The following CMAS variants were observed in gnomAD, a reference collection of about 807,000 sequenced individuals.
CMAS encodes N-acylneuraminate cytidylyltransferase.
A neutral mutation model predicts 53.4 loss-of-function variants in CMAS; 21 were observed. The ratio of observed to expected loss-of-function variants is 0.39; its 90% confidence interval spans 0.28 to 0.57. The LOEUF (loss-of-function observed/expected upper bound fraction) is 0.57, where lower values mean the gene tolerates loss of function less well. Ranked by LOEUF, CMAS falls within the 20% of genes least tolerant of loss-of-function variation. The pLI, the probability that CMAS is intolerant of heterozygous loss-of-function variation, is 0.56. For synonymous variants in CMAS, 189 were observed against 195.2 expected, an observed-to-expected ratio of 0.97 and a Z score of 0.27; for missense variants, 384 against 534.9, an observed-to-expected ratio of 0.72 and a Z score of 2.78.
In CMAS at chr12:22,061,473, G is replaced by A. The variant is rs184882631; in HGVS notation, c.960+21G>A. On this transcript the variant is annotated intron_variant, in intron 6 of 7. Transcript: ENST00000229329. ...TTGAGGTATGTGCTCCCTGAATATAGCAGTATTTTATAATATTTTGATTCA... is the reference window on the plus strand; with the variant it reads ...TTGAGGTATGTGCTCCCTGAATATAACAGTATTTTATAATATTTTGATTCA... 9.1e-5 allele frequency: 133 copies of A among 1,459,598 alleles called. No homozygotes were observed. The African/African-American group carries it at 1.7e-3, about 19-fold the overall frequency. 90.4% of individuals were successfully genotyped at this position (1,459,598 alleles called of 1,614,324 possible). A position where few individuals can be genotyped will look rare whatever the true frequency, so the allele number is the denominator to read the frequency against.
intron 4 of CMAS, among the ~76,000 whole-genome samples, chr12:22,059,093 G>C (rs925893611): frequency 2.7e-5 from 4 of 148,728 alleles, no homozygotes; most frequent in Non-Finnish European, 5.9e-5. Flanking sequence ...GGTGAAAAGA[G>C]TTACAACCTG....
chr12:22,065,344 A>C lies in CMAS; in HGVS notation c.*33A>C. 9 of 1,508,152 alleles carry C rather than the reference A, an allele frequency of 6.0e-6. No homozygotes were observed. The highest frequency in any genetic ancestry group is 8.2e-6 in the Non-Finnish European group (9 of 1,093,710). The allele number at this position is 1,508,152 out of a possible 1,614,324, so 93.4% of individuals were successfully genotyped here. A position where few individuals can be genotyped will look rare whatever the true frequency, so the allele number is the denominator to read the frequency against. ...CGTAATATTGAGAAAAAAATGATAC[A>C]GCCTTCTTCAGCCAGTTTGCTTTTA... On this transcript the variant is annotated 3_prime_UTR_variant, in exon 8 of 8. Coordinates refer to ENST00000229329, the MANE Select transcript of CMAS (RefSeq NM_018686.6).
At chr12:22,056,762 A>C (rs1272770936) in intron 3 of CMAS, among the ~76,000 whole-genome samples, 1 of 152,184 alleles carries the variant, frequency 6.6e-6, no homozygotes, top group Non-Finnish European at 1.5e-5. Flanking sequence ...ACTCAAGTCC[A>C]CAAGGTCATT....
intron 1 of CMAS, among the ~76,000 whole-genome samples, chr12:22,054,218 G>A (rs548327236): frequency 6.6e-6 from 1 of 152,142 alleles, no homozygotes; most frequent in South Asian, 2.1e-4. Context: ...TGAGACTCCA[G>A]GCCTGACCAA....
chr12:22,064,653 TA>T (rs1377056519), intron 7 of CMAS, among the ~76,000 whole-genome samples: 12 of 152,216 alleles, frequency 7.9e-5, no homozygotes, highest in African/African-American at 2.4e-4. Context: ...AGTTTTTGGA[TA>T]AAATATTATG....
chr12:22,055,023 CATT>C (rs749413099), intron 1 of CMAS, 123 bp from the exon 2 acceptor site: 48 of 579,032 alleles, frequency 8.3e-5, no homozygotes, highest in Non-Finnish European at 1.0e-4. Flanking sequence ...GGATCTGTAA[CATT>C]ATTATCATTG....
Position 22,058,340 on chromosome 12 carries a change from G to A in CMAS, c.560-227G>A, listed in dbSNP as rs150434673. Among the ~76,000 whole-genome samples, 1,266 of 150,870 alleles carry A rather than the reference G, an allele frequency of 8.4e-3. 27 individuals carry two copies. The East Asian group carries it at 0.085, about 10-fold the overall frequency. On this transcript the variant is annotated intron_variant, in intron 3 of 7. Transcript: ENST00000229329. ...CTTGGGAGGCTGAGGCAGGAGAATCGCTTGAACCCAGGAGGCGGAGGTTGC... is the reference window on the plus strand; with the variant it reads ...CTTGGGAGGCTGAGGCAGGAGAATCACTTGAACCCAGGAGGCGGAGGTTGC...
In CMAS at chr12:22,052,921, A is replaced by G. The variant is rs567045303; in HGVS notation, c.261-2228A>G. 2.6e-5 allele frequency among the ~76,000 whole-genome samples: 4 copies of G among 152,322 alleles called. No individual in the cohort carries two copies. In the South Asian group the frequency reaches 6.2e-4, roughly 24 times the overall value. On this transcript the variant is annotated intron_variant, in intron 1 of 7. Coordinates refer to ENST00000229329, the MANE Select transcript of CMAS (RefSeq NM_018686.6). ...ATATTAAAGGGAATAAACGAAATAA[A>G]TAAATGAAATCCAGGGATGTTAGAA... is the stretch of plus-strand genomic sequence containing the variant.
At chr12:22,063,604 TTA>T (rs1476674560) in intron 7 of CMAS, among the ~76,000 whole-genome samples, 1 of 151,660 alleles carries the variant, frequency 6.6e-6, no homozygotes, top group Non-Finnish European at 1.5e-5. Flanking sequence ...AACTCTAGAA[TTA>T]TATGTGTCAA....
At chr12:22,053,744 T>G (rs887588638) in intron 1 of CMAS, among the ~76,000 whole-genome samples, 37 of 148,014 alleles carry the variant, frequency 2.5e-4, no homozygotes, top group Admixed American at 2.4e-3. Context: ...CCGGGCGTGT[T>G]GGCGGGCGCC....
Position 22,065,255 on chromosome 12 carries a change from T to C in CMAS, c.1249T>C (p.Phe417Leu). The C allele has an allele frequency of 6.2e-7, 1 of 1,614,090 alleles. No individual in the cohort carries two copies. Among genetic ancestry groups the C allele is most frequent in the East Asian group, 2.2e-5 (1 of 44,884 alleles). The change falls in exon 8 of 8, where the codon TTT (phenylalanine) becomes CTT (leucine). Residue 417 changes from phenylalanine (F) to leucine (L), a missense_variant. By Grantham distance (22) the Phe-to-Leu change is conservative. Transcript: ENST00000229329. Reference sequence around the variant, plus strand: ...TGGTGGCCGTGGTGCCATCCGAGAATTTGCAGAGCACATTTGCCTACTAAT... The same window carrying C: ...TGGTGGCCGTGGTGCCATCCGAGAACTTGCAGAGCACATTTGCCTACTAAT... ...CNGGRGAIRE[F>L]AEHICLLMEK...
chr12:22,063,898 C>G (rs916670495), intron 7 of CMAS: 1 of 150,306 alleles, frequency 6.7e-6, no homozygotes. Context: ...AGTTTTAGAC[C>G]AGCCTGTGAA....
chr12:22,055,687 TGAG>T (rs1950263678), intron 3 of CMAS, 77 bp downstream of exon 3: 2 of 1,261,530 alleles, frequency 1.6e-6, no homozygotes, highest in East Asian at 4.7e-5. Flanking sequence ...CCTTTAGGCA[TGAG>T]GAGAGTAAAA....
At chr12:22,062,221 T>G in intron 6 of CMAS, 60 bp from the exon 7 acceptor site, 1 of 1,459,356 alleles carries the variant, frequency 6.9e-7, no homozygotes. Context: ...AAGATTTCTG[T>G]TTTCTTCACT....
chr12:22,061,530 T>C, intron 6 of CMAS, 78 bp downstream of exon 6: 1 of 1,014,524 alleles, frequency 9.9e-7, no homozygotes, highest in East Asian at 2.8e-5. Flanking sequence ...ATTAAGAGAT[T>C]TAAATTTTTA....
Position 22,061,352 on chromosome 12 carries a change from C to T in CMAS, c.860C>T (p.Thr287Ile). Reference sequence around the variant, plus strand: ...GTTTGCAATATTGATGGATGTCTCACCAATGGCCACATTTATGTATCAGGA... The same window carrying T: ...GTTTGCAATATTGATGGATGTCTCATCAATGGCCACATTTATGTATCAGGA... ...LLVCNIDGCL[T>I]NGHIYVSGDQ... is the part of the protein sequence containing the mutation. Residue 287 changes from threonine (T) to isoleucine (I), a missense_variant, in exon 6 of 8, where the codon ACC becomes ATC. By Grantham distance (89) the Thr-to-Ile change is moderately conservative. Around this residue, in one of 3 missense-constraint regions of CMAS, gnomAD observed 139 missense variants for 248.0 expected, o/e 0.56. Transcript: ENST00000229329. 1.2e-6 allele frequency: 2 copies of T among 1,609,068 alleles called. No individual in the cohort carries two copies. Among genetic ancestry groups the T allele is most frequent in the Non-Finnish European group, 1.7e-6 (2 of 1,176,290 alleles).
chr12:22,059,368 C>T (rs1173542510), intron 4 of CMAS, among the ~76,000 whole-genome samples: 3 of 151,840 alleles, frequency 2.0e-5, no homozygotes. Flanking sequence ...GTAGGTGAAA[C>T]ACTTTGCATA....
chr12:22,055,677 C>A (rs77214419), intron 3 of CMAS, 67 bp downstream of exon 3: 1 of 1,377,952 alleles, frequency 7.3e-7, no homozygotes, highest in Non-Finnish European at 1.0e-6. Context: ...ATATAAATAT[C>A]CTTTAGGCAT....
intron 1 of CMAS, among the ~76,000 whole-genome samples, chr12:22,054,204 GGT>G (rs1020159420): frequency 5.9e-5 from 9 of 152,090 alleles, no homozygotes; most frequent in Admixed American, 1.3e-4. Context: ...TGGGATTACA[GGT>G]GTGAGACTCC....
Sources: gnomAD v4.1 joint callset for allele counts (sites outside exome capture counted in the v4.1 genomes callset) on GRCh38, gnomAD v4.1.1 for gene constraint, gnomAD v4.1.1 regional missense constraint, MANE v1.5 for transcripts, NCBI Gene and HGNC (gene_info 2026-07-23, HGNC 2026-07-21) for gene names.